The following SMARCE1 variants were observed in gnomAD, a reference collection of about 807,000 sequenced individuals.
SMARCE1 encodes the protein SWI/SNF-related matrix-associated actin-dependent regulator of chromatin subfamily E member 1.
A neutral mutation model predicts 54.9 loss-of-function variants in SMARCE1; 13 were observed. The observed-to-expected ratio is 0.24, with a 90% CI of 0.15 to 0.38. The LOEUF is 0.38. SMARCE1 is among the 10% of genes least tolerant of loss of function. The probability of loss-of-function intolerance (pLI) is 1.00; values close to 1 mark genes in which losing one functional copy is unlikely to be tolerated. For synonymous variants in SMARCE1, 151 were observed against 175.3 expected (o/e 0.86, Z 1.10); for missense variants, 295 against 523.8 (o/e 0.56, Z 4.26).
At chr17:40,638,763 G>A (rs568714896) in intron 4 of SMARCE1, among the ~76,000 whole-genome samples, 1 of 152,196 alleles carries the variant, frequency 6.6e-6, no homozygotes, top group African/African-American at 2.4e-5. Flanking sequence ...TTTAATTATC[G>A]AAAGACAGGA....
intron 6 of SMARCE1, 21 bp from the exon 7 acceptor site, chr17:40,636,123 G>T: frequency 6.4e-7 from 1 of 1,573,860 alleles, no homozygotes; most frequent in Non-Finnish European, 8.6e-7. Context: ...AATGTTTTTT[G>T]GTTTTATAAT....
At chr17:40,643,499 G>C (rs2037219185) in intron 3 of SMARCE1, 1 of 152,060 alleles carries the variant, frequency 6.6e-6, no homozygotes, top group Non-Finnish European at 1.5e-5. Flanking sequence ...CAGTAGCCTT[G>C]GGGCTAATAC....
In SMARCE1 at chr17:40,628,630, G is replaced by A. The variant is rs1597741068; in HGVS notation, c.*155C>T. Reference sequence around the variant, plus strand: ...ACACTTAAGAAAGGTGACTGACTGAGCCATTAGGCTCATGATGCTAAATGG... The same window carrying A: ...ACACTTAAGAAAGGTGACTGACTGAACCATTAGGCTCATGATGCTAAATGG... On this transcript the variant is annotated 3_prime_UTR_variant, in exon 11 of 11. Coordinates refer to ENST00000348513, the MANE Select transcript of SMARCE1 (RefSeq NM_003079.5). 2 of 599,932 alleles carry A rather than the reference G, an allele frequency of 3.3e-6. No homozygotes were observed. Among genetic ancestry groups the A allele is most frequent in the East Asian group, 5.6e-5 (2 of 35,802 alleles). 37.2% of individuals were successfully genotyped at this position (599,932 alleles called of 1,614,324 possible). A position where few individuals can be genotyped will look rare whatever the true frequency, so the allele number is the denominator to read the frequency against.
intron 9 of SMARCE1, 165 bp from the exon 10 acceptor site, chr17:40,631,089 T>C: frequency 1.7e-6 from 1 of 587,718 alleles, no homozygotes; most frequent in Non-Finnish European, 3.0e-6. Context: ...AGGTCTTCTC[T>C]GAAACTCTTG....
intron 1 of SMARCE1, 192 bp downstream of exon 1, chr17:40,647,581 G>A (rs2037273460): frequency 6.5e-6 from 1 of 152,874 alleles, no homozygotes; most frequent in East Asian, 1.9e-4. Context: ...TGCCTCCAAG[G>A]AGGGGGCCCC....
chr17:40,645,724 T>C, intron 2 of SMARCE1, 72 bp downstream of exon 2: 1 of 1,104,838 alleles, frequency 9.1e-7, no homozygotes, highest in Non-Finnish European at 1.3e-6. Flanking sequence ...TGAGAGTATT[T>C]TGGAATTCCC....
At position 40,628,471 on chromosome 17, in the gene SMARCE1, TG is replaced by T. The variant is rs1192950456; in HGVS notation, c.*313del. 2 of 287,790 alleles carry T rather than the reference TG, an allele frequency of 6.9e-6. No individual in the cohort carries two copies. Among genetic ancestry groups the T allele is most frequent in the African/African-American group, 2.2e-5 (1 of 45,326 alleles). 17.8% of individuals were successfully genotyped at this position (287,790 alleles called of 1,614,324 possible). A position where few individuals can be genotyped will look rare whatever the true frequency, so the allele number is the denominator to read the frequency against. On this transcript the variant is annotated 3_prime_UTR_variant, in exon 11 of 11. Coordinates refer to ENST00000348513, the MANE Select transcript of SMARCE1 (RefSeq NM_003079.5). Reference sequence around the variant, plus strand: ...ACCCCAGTGAGCTGTAGGAAGGCATTGTAAGAGTAGATTCTGCAGCATCAAA... The same window carrying T: ...ACCCCAGTGAGCTGTAGGAAGGCATTTAAGAGTAGATTCTGCAGCATCAAA...
intron 2 of SMARCE1, 85 bp from the exon 3 acceptor site, chr17:40,645,704 G>GA (rs926752902): frequency 3.0e-3 from 3,298 of 1,107,330 alleles, no homozygotes; most frequent in South Asian, 4.5e-3. Context: ...CTGTTTTGAA[G>GA]AAAAAAAAAT....
intron 1 of SMARCE1, among the ~76,000 whole-genome samples, chr17:40,646,739 G>T (rs2037261015): frequency 6.6e-6 from 1 of 152,126 alleles, no homozygotes; most frequent in Non-Finnish European, 1.5e-5. Flanking sequence ...TTCATCTTTG[G>T]AAAGAAGGCA....
intron 10 of SMARCE1, 82 bp from the exon 11 acceptor site, chr17:40,629,075 A>G (rs1036981003): frequency 2.6e-6 from 3 of 1,158,284 alleles, no homozygotes; most frequent in Admixed American, 1.8e-5. Context: ...TGTGCTGTCC[A>G]ATATAGAAGC....
rs751165188 is a variant in SMARCE1, at chr17:40,628,811, T to C, written c.1210A>G (p.Ile404Val). ...TATTCTTTTTTCTCATCTTCTGGTA[T>C]GGGATCTGTTGGTGGCTCCTCCACT... is the stretch of plus-strand genomic sequence containing the variant. ...ATVEEPPTDP[I>V]PEDEKKE Residue 404 changes from isoleucine to valine, a missense_variant, in exon 11 of 11, where the codon ATA becomes GTA. Physicochemically the swap from Ile to Val is conservative, Grantham distance 29. Transcript: ENST00000348513. The C allele has an allele frequency of 1.2e-5, 19 of 1,613,476 alleles. No homozygotes were observed. The highest frequency in any genetic ancestry group is 1.7e-6 in the Non-Finnish European group (2 of 1,179,594).
chr17:40,640,771 A>G (rs2037191576), intron 4 of SMARCE1: 1 of 152,204 alleles, frequency 6.6e-6, no homozygotes, highest in Non-Finnish European at 1.5e-5. Context: ...GGACCAAAAC[A>G]CCAAATTTTC....
chr17:40,642,650 CA>C lies in SMARCE1; in HGVS notation c.52-92del, dbSNP rs1363543100. ...TGAAAAATGATCTGCATATGGCATG[CA>C]AAAGCAACCTGAATTTAAACAAGCA... is the stretch of plus-strand genomic sequence containing the variant. On this transcript the variant is annotated intron_variant, in intron 3 of 10. Coordinates refer to ENST00000348513, the MANE Select transcript of SMARCE1 (RefSeq NM_003079.5). The surrounding 1 kb of genome is among the most constrained non-coding windows in gnomAD (Gnocchi z 4.6). The C allele has an allele frequency of 1.4e-6, 1 of 720,272 alleles. No individual in the cohort carries two copies. Among genetic ancestry groups the C allele is most frequent in the Non-Finnish European group, 2.4e-6 (1 of 414,778 alleles). 44.6% of individuals were successfully genotyped at this position (720,272 alleles called of 1,614,324 possible).
In SMARCE1 at chr17:40,642,357, TA is replaced by T; in HGVS notation, c.156+97del. On this transcript the variant is annotated intron_variant, in intron 4 of 10. Coordinates refer to ENST00000348513, the MANE Select transcript of SMARCE1 (RefSeq NM_003079.5). This position sits in a 1 kb window ranked among gnomAD's most constrained non-coding sequence, Gnocchi z 4.6. The stretch of plus-strand genomic sequence containing the variant: ...AAAAGCTAGGTTAAAAAATTTTTTT[TA>T]AATGGCTGTGCTTATGATTCAAAAA... The T allele has an allele frequency of 1.2e-6, 1 of 836,824 alleles. No individual in the cohort carries two copies. The allele number at this position is 836,824 out of a possible 1,614,324, so 51.8% of individuals were successfully genotyped here. A position where few individuals can be genotyped will look rare whatever the true frequency, so the allele number is the denominator to read the frequency against.
chr17:40,644,510 A>C (rs2037233231), intron 3 of SMARCE1: 1 of 152,188 alleles, frequency 6.6e-6, no homozygotes, highest in Non-Finnish European at 1.5e-5. Context: ...CGATTTAAGA[A>C]AGAAAACAAA....
chr17:40,628,109 GA>G lies in SMARCE1; in HGVS notation c.*675del, dbSNP rs2037053507. 6.5e-6 allele frequency: 1 copy of G among 152,682 alleles called. No homozygotes were observed. The highest frequency in any genetic ancestry group is 1.9e-4 in the East Asian group (1 of 5,182). The allele number at this position is 152,682 out of a possible 1,614,324, so 9.5% of individuals were successfully genotyped here. On this transcript the variant is annotated 3_prime_UTR_variant, in exon 11 of 11. Transcript: ENST00000348513. The stretch of plus-strand genomic sequence containing the variant: ...CTATACAATAAGGATGGATTTACCA[GA>G]ACATACCCAGTATTAATCATAACAA...
chr17:40,635,270 T>A (rs927669170), intron 7 of SMARCE1: 1 of 149,818 alleles, frequency 6.7e-6, no homozygotes, highest in South Asian at 2.1e-4. Context: ...ACACTAGATA[T>A]GTGGTTGAGT....
At chr17:40,635,122 T>C (rs757601847) in intron 7 of SMARCE1, 2 of 152,088 alleles carry the variant, frequency 1.3e-5, no homozygotes, top group Non-Finnish European at 2.9e-5. Flanking sequence ...AAAGTTCTTA[T>C]AGCCTTCCTC....
chr17:40,635,266 G>A (rs2037134950), intron 7 of SMARCE1: 1 of 150,630 alleles, frequency 6.6e-6, no homozygotes, highest in African/African-American at 2.5e-5. Context: ...CAGCACACTA[G>A]ATATGTGGTT....
Sources: gnomAD v4.1 joint callset for allele counts (sites outside exome capture counted in the v4.1 genomes callset) on GRCh38, gnomAD v4.1.1 for gene constraint, Gnocchi (gnomAD v3.1) non-coding constraint, MANE v1.5 for transcripts, NCBI Gene and HGNC (gene_info 2026-07-23, HGNC 2026-07-21) for gene names.